The following EPB41L4A variants were observed in gnomAD, a reference collection of about 807,000 sequenced individuals.
EPB41L4A encodes band 4.1-like protein 4A.
Under a neutral mutation model 108.6 loss-of-function variants are expected in EPB41L4A, and 100 were observed. That is an observed-to-expected ratio of 0.92 (90% CI 0.78 to 1.09). EPB41L4A has a LOEUF of 1.09. EPB41L4A is among the 50% of genes least tolerant of loss of function. The probability of loss-of-function intolerance (pLI) is 0.00; values close to 1 mark genes in which losing one functional copy is unlikely to be tolerated. For synonymous variants in EPB41L4A, 319 were observed against 289.0 expected (o/e 1.10, Z -1.05); for missense variants, 1,030 against 842.7 (o/e 1.22, Z -2.75).
At chr5:112,191,601 G>A (rs1211388869) in intron 17 of EPB41L4A, among the ~76,000 whole-genome samples, 12 of 151,344 alleles carry the variant, frequency 7.9e-5, no homozygotes, top group Admixed American at 4.6e-4. Context: ...CCAATGGGTT[G>A]ACTTCGTGGA....
chr5:112,191,632 A>G (rs941251734), intron 17 of EPB41L4A, among the ~76,000 whole-genome samples: 2 of 152,006 alleles, frequency 1.3e-5, no homozygotes, highest in Non-Finnish European at 2.9e-5. Flanking sequence ...CAATATTTCC[A>G]TGGAGTGGCC....
chr5:112,348,837 C>G (rs1194413458), intron 1 of EPB41L4A, among the ~76,000 whole-genome samples: 1 of 152,164 alleles, frequency 6.6e-6, no homozygotes, highest in African/African-American at 2.4e-5. Flanking sequence ...GAGCCCATCC[C>G]ATTCAATACT....
chr5:112,412,641 G>A (rs1232219779), intron 1 of EPB41L4A, among the ~76,000 whole-genome samples: 1 of 152,138 alleles, frequency 6.6e-6, no homozygotes, highest in Non-Finnish European at 1.5e-5. Flanking sequence ...CATATGAAAC[G>A]TGGAAACAAA....
chr5:112,191,300 G>C (rs1021903161), intron 17 of EPB41L4A, among the ~76,000 whole-genome samples: 7 of 152,124 alleles, frequency 4.6e-5, no homozygotes, highest in Non-Finnish European at 1.0e-4. Flanking sequence ...TTAACACAAG[G>C]GCCCTTACAC....
chr5:112,304,063 G>A (rs966088106), intron 2 of EPB41L4A, among the ~76,000 whole-genome samples: 1 of 152,106 alleles, frequency 6.6e-6, no homozygotes, highest in Non-Finnish European at 1.5e-5. Flanking sequence ...TGGGGGTGGG[G>A]TGGTCAAGAA....
chr5:112,369,200 C>T (rs899484933), intron 1 of EPB41L4A, among the ~76,000 whole-genome samples: 2 of 152,264 alleles, frequency 1.3e-5, no homozygotes, highest in Non-Finnish European at 2.9e-5. Flanking sequence ...CATTACCAAA[C>T]CTTACAAGTT....
intron 1 of EPB41L4A, among the ~76,000 whole-genome samples, chr5:112,378,128 T>C (rs1371947788): frequency 6.6e-6 from 1 of 152,182 alleles, no homozygotes; most frequent in Non-Finnish European, 1.5e-5. Flanking sequence ...CATAAAAAGA[T>C]GAAAATCTAT....
intron 3 of EPB41L4A, among the ~76,000 whole-genome samples, chr5:112,276,214 C>G (rs151123254): frequency 1.8e-4 from 27 of 152,148 alleles, no homozygotes; most frequent in African/African-American, 6.5e-4. Context: ...TGTGTTCTCA[C>G]GTATTTAAGA....
chr5:112,226,533 T>G (rs1580471446), intron 12 of EPB41L4A, among the ~76,000 whole-genome samples: 1 of 152,216 alleles, frequency 6.6e-6, no homozygotes, highest in Non-Finnish European at 1.5e-5. Context: ...ATGGAATGAT[T>G]AACTGTGTGA....
chr5:112,390,966 C>G (rs1345144317), intron 1 of EPB41L4A, among the ~76,000 whole-genome samples: 2 of 152,206 alleles, frequency 1.3e-5, no homozygotes, highest in Non-Finnish European at 2.9e-5. Context: ...TCCAACAGAC[C>G]TGCAGCTGAG....
chr5:112,242,674 G>C (rs1411609174), intron 9 of EPB41L4A, among the ~76,000 whole-genome samples: 1 of 152,154 alleles, frequency 6.6e-6, no homozygotes, highest in Non-Finnish European at 1.5e-5. Flanking sequence ...ATCCATTAGA[G>C]AAATCATTAT....
At chr5:112,191,175 T>TA (rs1761679808) in intron 17 of EPB41L4A, among the ~76,000 whole-genome samples, 1 of 151,774 alleles carries the variant, frequency 6.6e-6, no homozygotes, top group Admixed American at 6.6e-5. Context: ...AAAGAAAGAA[T>TA]AAAGTGGAAA....
chr5:112,407,021 G>C (rs1012313671), intron 1 of EPB41L4A, among the ~76,000 whole-genome samples: 1 of 152,058 alleles, frequency 6.6e-6, no homozygotes, highest in South Asian at 2.1e-4. Flanking sequence ...ATTAACTGAG[G>C]ATATGGGACT....
chr5:112,325,784 C>T (rs1756117907), intron 1 of EPB41L4A, among the ~76,000 whole-genome samples: 1 of 152,158 alleles, frequency 6.6e-6, no homozygotes, highest in Non-Finnish European at 1.5e-5. Context: ...TCAGTTTCTT[C>T]ATTTGTGAGA....
At chr5:112,372,678 T>C (rs1759565960) in intron 1 of EPB41L4A, among the ~76,000 whole-genome samples, 1 of 152,192 alleles carries the variant, frequency 6.6e-6, no homozygotes, top group African/African-American at 2.4e-5. Flanking sequence ...GATAATACCT[T>C]ACAGGTCTGT....
intron 18 of EPB41L4A, among the ~76,000 whole-genome samples, chr5:112,176,903 C>A (rs2150218704): frequency 1.3e-5 from 2 of 151,710 alleles, no homozygotes; most frequent in East Asian, 1.9e-4. Flanking sequence ...TACAGGCACC[C>A]ACCACCACAC....
At chr5:112,273,782 TAA>T (rs978545846) in intron 4 of EPB41L4A, among the ~76,000 whole-genome samples, 3 of 152,298 alleles carry the variant, frequency 2.0e-5, no homozygotes, top group African/African-American at 7.2e-5. Context: ...GTTACAGATA[TAA>T]GTGTATTTTT....
intron 12 of EPB41L4A, among the ~76,000 whole-genome samples, chr5:112,146,443 G>A (rs573568134): frequency 6.6e-6 from 1 of 152,208 alleles, no homozygotes; most frequent in Non-Finnish European, 1.5e-5. Context: ...CACAGGAGCA[G>A]AGGATCTTCC....
At chr5:112,403,249 A>G (rs1761887184) in intron 1 of EPB41L4A, among the ~76,000 whole-genome samples, 1 of 151,960 alleles carries the variant, frequency 6.6e-6, no homozygotes, top group Non-Finnish European at 1.5e-5. Flanking sequence ...GTAATGGATG[A>G]AAGGCAGTCT....
Sources: allele counts gnomAD v4.1 joint callset (sites outside exome capture counted in the v4.1 genomes callset), GRCh38; gene constraint gnomAD v4.1.1; transcripts MANE v1.5; gene names NCBI Gene and HGNC (gene_info 2026-07-23, HGNC 2026-07-21).